Variants in GREB1L observed in about 807,000 individuals in gnomAD.
GREB1L encodes the protein GREB1 like retinoic acid receptor coactivator.
Under a neutral mutation model 200.8 loss-of-function variants are expected in GREB1L, and 17 were observed. The observed-to-expected ratio is 0.08, with a 90% CI of 0.06 to 0.13. The LOEUF (loss-of-function observed/expected upper bound fraction) is 0.13. Among genes scored for constraint, GREB1L ranks in the 10% least tolerant of loss-of-function variants. The pLI is 1.00. For synonymous variants in GREB1L, 789 were observed against 893.0 expected, an observed-to-expected ratio of 0.88 and a Z score of 2.08; for missense variants, 1,657 against 2,367.7, an observed-to-expected ratio of 0.70 and a Z score of 6.23.
intron 7 of GREB1L, among the ~76,000 whole-genome samples, chr18:21,404,999 G>C (rs1186827201): frequency 1.3e-5 from 2 of 152,180 alleles, no homozygotes; most frequent in East Asian, 3.8e-4. Context: ...TTTCAAGATA[G>C]AAGTGATTAT....
chr18:21,348,778 G>GAA (rs201993233), intron 1 of GREB1L, among the ~76,000 whole-genome samples: 1 of 149,170 alleles, frequency 6.7e-6, no homozygotes, highest in African/African-American at 2.5e-5. Context: ...CCATCTCGAA[G>GAA]AAAAAAAAAA....
At chr18:21,464,987 G>A (rs904438145) in intron 15 of GREB1L, among the ~76,000 whole-genome samples, 1 of 152,052 alleles carries the variant, frequency 6.6e-6, no homozygotes, top group Non-Finnish European at 1.5e-5. Context: ...ATTTTTTAGT[G>A]GACAAAGATT....
chr18:21,284,047 C>T (rs2144490860), intron 1 of GREB1L, among the ~76,000 whole-genome samples: 1 of 152,260 alleles, frequency 6.6e-6, no homozygotes, highest in East Asian at 1.9e-4. Flanking sequence ...GCCAGGAAGC[C>T]CAATGTTAGG....
At chr18:21,290,127 G>GT (rs2038423715) in intron 1 of GREB1L, among the ~76,000 whole-genome samples, 1 of 152,142 alleles carries the variant, frequency 6.6e-6, no homozygotes, top group South Asian at 2.1e-4. Flanking sequence ...GAGTGCTTCT[G>GT]TGGAAAATAT....
intron 4 of GREB1L, among the ~76,000 whole-genome samples, chr18:21,392,018 C>T (rs2040837165): frequency 1.3e-5 from 2 of 152,154 alleles, no homozygotes; most frequent in Non-Finnish European, 2.9e-5. Context: ...CCATGTTGGC[C>T]AGGCTGGACT....
intron 1 of GREB1L, among the ~76,000 whole-genome samples, chr18:21,288,938 A>G (rs2038402505): frequency 6.6e-6 from 1 of 151,968 alleles, no homozygotes; most frequent in Admixed American, 6.6e-5. Flanking sequence ...GGGTTTCACC[A>G]TGTTGGCCAG....
intron 7 of GREB1L, among the ~76,000 whole-genome samples, chr18:21,408,196 A>G (rs2030513583): frequency 3.9e-5 from 6 of 152,238 alleles, no homozygotes; most frequent in Non-Finnish European, 8.8e-5. Flanking sequence ...ATCATTACAT[A>G]TTGTATGCAT....
chr18:21,273,142 C>T (rs1275434664), intron 1 of GREB1L, among the ~76,000 whole-genome samples: 54 of 152,236 alleles, frequency 3.5e-4, no homozygotes, highest in African/African-American at 1.1e-3. Context: ...CAGGGAGAAT[C>T]GCTTGAACCC....
At position 21,384,417 on chromosome 18, in the gene GREB1L, G is replaced by A; in HGVS notation, c.355+14G>A. On this transcript the variant is annotated intron_variant, in intron 4 of 32. Coordinates refer to ENST00000424526, the MANE Select transcript of GREB1L (RefSeq NM_001142966.3). The stretch of plus-strand genomic sequence containing the variant: ...GCACTACAGATGGTGGGTTTCAGTT[G>A]TGTTTTCTTTTTGCTATTTTGTCTC... The A allele has an allele frequency of 2.6e-6, 4 of 1,530,024 alleles. No individual in the cohort carries two copies. Among genetic ancestry groups the A allele is most frequent in the Non-Finnish European group, 3.5e-6 (4 of 1,138,882 alleles). The allele number at this position is 1,530,024 out of a possible 1,614,324, so 94.8% of individuals were successfully genotyped here. A position where few individuals can be genotyped will look rare whatever the true frequency, so the allele number is the denominator to read the frequency against.
intron 7 of GREB1L, among the ~76,000 whole-genome samples, chr18:21,416,820 G>C (rs2031684985): frequency 6.6e-6 from 1 of 152,058 alleles, no homozygotes; most frequent in Admixed American, 6.5e-5. Flanking sequence ...GAGGTCAGGA[G>C]TTCAAGACCA....
At chr18:21,434,459 GA>G (rs1359129855) in intron 7 of GREB1L, among the ~76,000 whole-genome samples, 2 of 150,954 alleles carry the variant, frequency 1.3e-5, no homozygotes, top group East Asian at 3.9e-4. Context: ...CTTGGCAGCA[GA>G]GTGAGAATCC....
intron 1 of GREB1L, among the ~76,000 whole-genome samples, chr18:21,244,041 T>TG (rs1326570401): frequency 6.6e-6 from 1 of 152,214 alleles, no homozygotes; most frequent in African/African-American, 2.4e-5. Context: ...TATATATTCG[T>TG]GGTGATGACC....
At chr18:21,457,686 A>G (rs1437146969) in intron 15 of GREB1L, among the ~76,000 whole-genome samples, 1 of 152,218 alleles carries the variant, frequency 6.6e-6, no homozygotes, top group Non-Finnish European at 1.5e-5. Flanking sequence ...CAAAAAAAGT[A>G]TTTATTTTGA....
At chr18:21,268,369 A>G (rs775048369) in intron 1 of GREB1L, among the ~76,000 whole-genome samples, 6 of 151,380 alleles carry the variant, frequency 4.0e-5, no homozygotes, top group Non-Finnish European at 8.8e-5. Context: ...GGAATTACCA[A>G]TTACAGTACA....
chr18:21,383,743 C>A (rs2040420537), intron 3 of GREB1L, 68 bp downstream of exon 3: 1 of 1,452,700 alleles, frequency 6.9e-7, no homozygotes, highest in Non-Finnish European at 9.4e-7. Context: ...GATGGAGTCT[C>A]CGTCTGTTGC....
chr18:21,298,934 C>G (rs2038573154), intron 1 of GREB1L, among the ~76,000 whole-genome samples: 1 of 151,944 alleles, frequency 6.6e-6, no homozygotes, highest in Admixed American at 6.6e-5. Flanking sequence ...GACCCTGTCT[C>G]TGGGGAGGGG....
intron 17 of GREB1L, among the ~76,000 whole-genome samples, chr18:21,482,133 G>A (rs1245053964): frequency 6.6e-6 from 1 of 152,186 alleles, no homozygotes; most frequent in Admixed American, 6.5e-5. Context: ...TGATGGTCCT[G>A]GTAGTAAAAT....
chr18:21,370,323 A>G (rs4538101), intron 2 of GREB1L, among the ~76,000 whole-genome samples: 1 of 152,248 alleles, frequency 6.6e-6, no homozygotes, highest in Non-Finnish European at 1.5e-5. Flanking sequence ...CCAACTAACT[A>G]TAATTGAGAA....
At chr18:21,243,166 A>G (rs1221253525) in intron 1 of GREB1L, among the ~76,000 whole-genome samples, 1 of 152,068 alleles carries the variant, frequency 6.6e-6, no homozygotes, top group Non-Finnish European at 1.5e-5. Context: ...GGGGAGGGTG[A>G]GGGAGACTCG....
Sources: allele counts gnomAD v4.1 joint callset (sites outside exome capture counted in the v4.1 genomes callset), GRCh38; gene constraint gnomAD v4.1.1; transcripts MANE v1.5; gene names NCBI Gene and HGNC (gene_info 2026-07-23, HGNC 2026-07-21).